Variants in SRPRB observed in about 807,000 individuals in gnomAD.
SRPRB encodes signal recognition particle receptor subunit beta.
SRPRB carries 20 observed loss-of-function variants against 31.9 expected under a neutral mutation model. The observed-to-expected ratio is 0.63, with a 90% confidence interval of 0.44 to 0.91. SRPRB has a LOEUF of 0.91. Ranked by LOEUF, SRPRB falls within the 40% of genes least tolerant of loss-of-function variation. SRPRB has a pLI of 0.00. For synonymous variants in SRPRB, 146 were observed against 132.8 expected (o/e 1.10, Z -0.68); for missense variants, 321 against 324.9 (o/e 0.99, Z 0.09).
chr3:133,822,518 G>C (rs1002084187), downstream of SRPRB, among the ~76,000 whole-genome samples: 1 of 152,118 alleles, frequency 6.6e-6, no homozygotes, highest in Admixed American at 6.5e-5. Flanking sequence ...CAGTCTACTG[G>C]GGGTTCCTAA....
At position 133,806,851 on chromosome 3, in the gene SRPRB, G is replaced by T. The variant is rs192822259; in HGVS notation, c.249+148G>T. 4.3e-4 allele frequency: 264 copies of T among 613,926 alleles called. No individual in the cohort carries two copies. In the African/African-American group the frequency reaches 4.6e-3, roughly 11 times the overall value. The allele number at this position is 613,926 out of a possible 1,614,324, so 38.0% of individuals were successfully genotyped here. A position where few individuals can be genotyped will look rare whatever the true frequency, so the allele number is the denominator to read the frequency against. On this transcript the variant is annotated intron_variant, in intron 2 of 6. Transcript: ENST00000678299. The stretch of plus-strand genomic sequence containing the variant: ...CTTGACTTACTTGGGAGAACAAAAA[G>T]ACTCGTAGAAACCCATAATTGAGAA...
chr3:133,827,348 GC>G (rs1480626485), downstream of SRPRB: 1 of 152,326 alleles, frequency 6.6e-6, no homozygotes, highest in Non-Finnish European at 1.5e-5. Context: ...CAGACTCACT[GC>G]CCATTGCACC....
At position 133,807,734 on chromosome 3, in the gene SRPRB, T is replaced by G. The variant is rs374460310; in HGVS notation, c.250-12T>G. The G allele has an allele frequency of 6.3e-7, 1 of 1,592,810 alleles. No homozygotes were observed. The highest frequency in any genetic ancestry group is 1.3e-5 in the African/African-American group (1 of 74,296). On this transcript the variant is annotated splice_polypyrimidine_tract_variant and intron_variant, in intron 2 of 6. Transcript: ENST00000678299. ...AAAATGTTGAATATCACCCATCTTGTTTTTTTTACAGTTGTTAACAGGCCT... is the reference window on the plus strand; with the variant it reads ...AAAATGTTGAATATCACCCATCTTGGTTTTTTTACAGTTGTTAACAGGCCT...
chr3:133,808,184 G>C (rs539510339), intron 3 of SRPRB, among the ~76,000 whole-genome samples: 45 of 152,300 alleles, frequency 3.0e-4, no homozygotes, highest in African/African-American at 1.1e-3. Flanking sequence ...GGTTAGAAAA[G>C]ATATTTGGTG....
intron 1 of SRPRB, chr3:133,788,932 AAG>A (rs1470723859): frequency 6.6e-6 from 1 of 152,234 alleles, no homozygotes; most frequent in Non-Finnish European, 1.5e-5. Flanking sequence ...GTGGAACAGG[AAG>A]CATGGGATAA....
chr3:133,825,169 A>G (rs1935538609), downstream of SRPRB: 1 of 152,156 alleles, frequency 6.6e-6, no homozygotes. Context: ...ACCTGGTCCC[A>G]TCTCATCCTG....
chr3:133,802,902 A>G (rs74515528), upstream of SRPRB, among the ~76,000 whole-genome samples: 1,602 of 152,282 alleles, frequency 0.011, 28 homozygotes, highest in African/African-American at 0.037. Flanking sequence ...CACAGCCCCA[A>G]GCCCTCTCCC....
At chr3:133,793,062 C>G (rs1934879980) in intron 1 of SRPRB, 1 of 152,100 alleles carries the variant, frequency 6.6e-6, no homozygotes, top group African/African-American at 2.4e-5. Flanking sequence ...TAATAGCACA[C>G]TAATGCAAGG....
intron 1 of SRPRB, chr3:133,796,777 T>C (rs1194397300): frequency 1.3e-5 from 2 of 152,232 alleles, no homozygotes; most frequent in Non-Finnish European, 2.9e-5. Flanking sequence ...TCTAGTCTTC[T>C]AGATGTTTAG....
In SRPRB at chr3:133,819,287, G is replaced by A. The variant is rs142925792; in HGVS notation, c.603-266G>A. On this transcript the variant is annotated intron_variant, in intron 6 of 6. Coordinates refer to ENST00000678299, the MANE Select transcript of SRPRB (RefSeq NM_001379313.1). Reference sequence around the variant, plus strand: ...AGATCCTCTTAGAAGGGGGCCTTGGGCTGAAAGAAAGTTGGTGTGACCTGG... The same window carrying A: ...AGATCCTCTTAGAAGGGGGCCTTGGACTGAAAGAAAGTTGGTGTGACCTGG... Among the ~76,000 whole-genome samples the A allele has an allele frequency of 4.6e-3, 693 of 152,190 alleles. 11 individuals are homozygous for A. The highest frequency in any genetic ancestry group is 0.027 in the Admixed American group (409 of 15,286).
At chr3:133,816,340 C>G (rs1352409203) in intron 5 of SRPRB, among the ~76,000 whole-genome samples, 2 of 152,174 alleles carry the variant, frequency 1.3e-5, no homozygotes, top group African/African-American at 4.8e-5. Context: ...GCGTCATTAC[C>G]TGACCTCTTT....
chr3:133,809,086 G>A (rs571325156), intron 3 of SRPRB, among the ~76,000 whole-genome samples: 22 of 151,798 alleles, frequency 1.4e-4, no homozygotes, highest in Non-Finnish European at 2.7e-4. Context: ...TCTGCCTCCC[G>A]AGTTGAAGCG....
downstream of SRPRB, chr3:133,825,762 T>A (rs1935551911): frequency 6.6e-6 from 1 of 152,048 alleles, no homozygotes; most frequent in South Asian, 2.1e-4. Context: ...ACTCCCACCA[T>A]CCCCAAAAAA....
At chr3:133,804,456 T>C (rs1458434217), upstream of SRPRB, among the ~76,000 whole-genome samples, 3 of 152,170 alleles carry the variant, frequency 2.0e-5, no homozygotes, top group Non-Finnish European at 2.9e-5. Context: ...ACAAAGATTT[T>C]TAAAGAAAAA....
chr3:133,789,372 T>C (rs1222851599), intron 1 of SRPRB: 1 of 152,258 alleles, frequency 6.6e-6, no homozygotes, highest in African/African-American at 2.4e-5. Flanking sequence ...TTGACCCCAG[T>C]GTTCTTTCGA....
chr3:133,819,255 A>G (rs942856836), intron 6 of SRPRB, among the ~76,000 whole-genome samples: 2 of 152,158 alleles, frequency 1.3e-5, no homozygotes, highest in African/African-American at 4.8e-5. Flanking sequence ...AGACGGCTTC[A>G]TTCAGTAGAT....
Position 133,789,879 on chromosome 3 carries a change from G to GTTTTTTTTT in SRPRB, c.-174+5756_-174+5764dup, listed in dbSNP as rs56267966. 4.0e-4 allele frequency: 36 copies of GTTTTTTTTT among 88,962 alleles called. 2 individuals are homozygous for GTTTTTTTTT. Among genetic ancestry groups the GTTTTTTTTT allele is most frequent in the African/African-American group, 5.5e-4 (10 of 18,256 alleles). 5.5% of individuals were successfully genotyped at this position (88,962 alleles called of 1,614,324 possible). On this transcript the variant is annotated intron_variant, in intron 1 of 7. Coordinates refer to the SRPRB transcript ENST00000466490. ...GCCAAAACAAAACGATCTCGTTTGCGTTTTTTTTTTTTTTTTTTTTTTTTT... is the reference window on the plus strand; with the variant it reads ...GCCAAAACAAAACGATCTCGTTTGCGTTTTTTTTTTTTTTTTTTTTTTTTTTTTTTTTTT...
intron 2 of SRPRB, 110 bp downstream of exon 2, chr3:133,806,813 T>C (rs1935170376): frequency 1.2e-6 from 1 of 845,800 alleles, no homozygotes; most frequent in Admixed American, 2.3e-5. Context: ...GCTGTTAAAT[T>C]TGGAAGTTAA....
intron 6 of SRPRB, 32 bp downstream of exon 6, chr3:133,816,964 T>C: frequency 6.3e-7 from 1 of 1,579,908 alleles, no homozygotes; most frequent in Non-Finnish European, 8.7e-7. Context: ...TGGTTAATTA[T>C]ATATCTTAAC....
Sources: allele counts gnomAD v4.1 joint callset (sites outside exome capture counted in the v4.1 genomes callset), GRCh38; gene constraint gnomAD v4.1.1; transcripts MANE v1.5; gene names NCBI Gene and HGNC (gene_info 2026-07-23, HGNC 2026-07-21).